The following EFCAB6 variants were observed in gnomAD, a reference collection of about 807,000 sequenced individuals.
EFCAB6 encodes the protein EF-hand calcium binding domain 6, also known as EF-hand calcium-binding domain-containing protein 6.
Under a neutral mutation model 169.8 loss-of-function variants are expected in EFCAB6, and 156 were observed. That is an observed-to-expected ratio of 0.92 (90% CI 0.81 to 1.05). EFCAB6 has a LOEUF of 1.05. Ranked by LOEUF, EFCAB6 falls within the 50% of genes least tolerant of loss-of-function variation. The pLI is 0.00. For synonymous variants in EFCAB6, 698 were observed against 676.4 expected (o/e 1.03, Z -0.50); for missense variants, 1,800 against 1,829.1 (o/e 0.98, Z 0.29).
intron 27 of EFCAB6, among the ~76,000 whole-genome samples, chr22:43,550,544 C>T (rs1444307142): frequency 6.6e-6 from 1 of 151,854 alleles, no homozygotes; most frequent in East Asian, 1.9e-4. Flanking sequence ...TGGTAGCGGG[C>T]ACCTGTAGTC....
chr22:43,675,348 ATT>A (rs2057690301), intron 13 of EFCAB6, among the ~76,000 whole-genome samples: 1 of 112,436 alleles, frequency 8.9e-6, no homozygotes, highest in Non-Finnish European at 2.0e-5. Context: ...AATATACTAT[ATT>A]ATACTATAAT....
chr22:43,668,411 A>G (rs1272686024), intron 16 of EFCAB6, among the ~76,000 whole-genome samples: 2 of 152,222 alleles, frequency 1.3e-5, no homozygotes, highest in Non-Finnish European at 2.9e-5. Flanking sequence ...TTACAATTCA[A>G]TTTGGAAATC....
At chr22:43,591,220 G>T (rs1203853380) in intron 23 of EFCAB6, among the ~76,000 whole-genome samples, 1 of 150,610 alleles carries the variant, frequency 6.6e-6, no homozygotes, top group Non-Finnish European at 1.5e-5. Context: ...CACTTCGGGA[G>T]GCTGCGGTGG....
intron 23 of EFCAB6, among the ~76,000 whole-genome samples, chr22:43,591,471 A>G (rs143289844): frequency 0.024 from 3,417 of 142,826 alleles, 122 homozygotes; most frequent in African/African-American, 0.085. Flanking sequence ...AAAAAAAAAA[A>G]AAAAGAAAAG....
chr22:43,786,199 C>T (rs1380427127), intron 2 of EFCAB6, among the ~76,000 whole-genome samples: 1 of 151,860 alleles, frequency 6.6e-6, no homozygotes, highest in Non-Finnish European at 1.5e-5. Flanking sequence ...CCCGTTTCTA[C>T]TAAAAATACA....
chr22:43,716,022 T>G (rs1260044571), intron 9 of EFCAB6, among the ~76,000 whole-genome samples: 1 of 152,254 alleles, frequency 6.6e-6, no homozygotes, highest in African/African-American at 2.4e-5. Flanking sequence ...AAAGTTTTGC[T>G]GTATAAAGGA....
rs78234199 is a variant in EFCAB6 at position 43,634,932 on chromosome 22, T to C, written c.2098+170A>G. Among the ~76,000 whole-genome samples the C allele has an allele frequency of 7.1e-3, 1,085 of 152,232 alleles. 14 individuals are homozygous for C. Among genetic ancestry groups the C allele is most frequent in the African/African-American group, 0.025 (1,031 of 41,524 alleles). On this transcript the variant is annotated intron_variant, in intron 18 of 31. Transcript: ENST00000262726. ...AGTTCTGCACTCACAGTTCTGAATA[T>C]GGTCAGATAAAATGAAATAAAAATG...
intron 9 of EFCAB6, among the ~76,000 whole-genome samples, chr22:43,715,616 C>T (rs1222805469): frequency 6.6e-6 from 1 of 152,072 alleles, no homozygotes; most frequent in Non-Finnish European, 1.5e-5. Context: ...CTGATCCAGC[C>T]GTCCTTCTAT....
At position 43,600,053 on chromosome 22, in the gene EFCAB6, A is replaced by T. The variant is rs1407462340; in HGVS notation, c.2876+16T>A. ...GGGACTTCTAGATGATGGCCCCGTG[A>T]TCCTTCCTCACTCACCTGGCTGCCA... On this transcript the variant is annotated intron_variant, in intron 23 of 31. Coordinates refer to ENST00000262726, the MANE Select transcript of EFCAB6 (RefSeq NM_022785.4). 2 of 1,610,146 alleles carry T rather than the reference A, an allele frequency of 1.2e-6. No individual in the cohort carries two copies. The highest frequency in any genetic ancestry group is 1.3e-5 in the African/African-American group (1 of 74,842).
chr22:43,657,314 A>C (rs2056798469), intron 17 of EFCAB6, among the ~76,000 whole-genome samples: 1 of 152,114 alleles, frequency 6.6e-6, no homozygotes, highest in Non-Finnish European at 1.5e-5. Context: ...CAAAATGACT[A>C]TACGTGTTAG....
intron 5 of EFCAB6, among the ~76,000 whole-genome samples, chr22:43,760,220 G>GA (rs2061112375): frequency 1.3e-5 from 1 of 74,476 alleles, no homozygotes; most frequent in Admixed American, 2.0e-4. Context: ...AAAAAAAAAA[G>GA]AAAAAAGAAA....
At chr22:43,801,523 C>A (rs2062713623) in intron 2 of EFCAB6, among the ~76,000 whole-genome samples, 1 of 152,140 alleles carries the variant, frequency 6.6e-6, no homozygotes, top group South Asian at 2.1e-4. Flanking sequence ...ATAGCTACTA[C>A]AACCTGTTGA....
At chr22:43,732,655 C>T (rs1489374298) in intron 7 of EFCAB6, among the ~76,000 whole-genome samples, 2 of 151,622 alleles carry the variant, frequency 1.3e-5, no homozygotes, top group Non-Finnish European at 2.9e-5. Context: ...TTAGTAGACA[C>T]GGGGTTTTTC....
intron 5 of EFCAB6, chr22:43,759,803 T>C (rs1210251354): frequency 6.6e-6 from 1 of 152,236 alleles, no homozygotes; most frequent in East Asian, 1.9e-4. Flanking sequence ...TATGGTGATT[T>C]TGATACATGA....
chr22:43,735,305 C>T (rs2060091308), intron 7 of EFCAB6, among the ~76,000 whole-genome samples: 1 of 37,258 alleles, frequency 2.7e-5, no homozygotes, highest in Non-Finnish European at 6.7e-5. Flanking sequence ...TCGTCACCCT[C>T]CTGCCGCACA....
chr22:43,800,196 C>T (rs566380535), intron 2 of EFCAB6, among the ~76,000 whole-genome samples: 12 of 152,310 alleles, frequency 7.9e-5, no homozygotes, highest in African/African-American at 2.2e-4. Flanking sequence ...AACCTTCCCA[C>T]GCTGCTGGGA....
In EFCAB6 at chr22:43,729,680, C is replaced by T. The variant is rs150399438; in HGVS notation, c.757+2019G>A. 4.2e-3 allele frequency among the ~76,000 whole-genome samples: 637 copies of T among 151,978 alleles called. 3 individuals carry two copies. Among genetic ancestry groups the T allele is most frequent in the Middle Eastern group, 0.014 (4 of 294 alleles). ...ACTTTACAGAATCTCTCTATAAGAA[C>T]GTGAACTCAGTAAAAGGAGAGTTGA... On this transcript the variant is annotated intron_variant, in intron 8 of 31. Transcript: ENST00000262726.
At chr22:43,650,201 T>C (rs571297466) in intron 17 of EFCAB6, among the ~76,000 whole-genome samples, 5 of 152,252 alleles carry the variant, frequency 3.3e-5, no homozygotes, top group South Asian at 2.1e-4. Context: ...TTTGGCTGTG[T>C]CCCCACCCAA....
intron 22 of EFCAB6, among the ~76,000 whole-genome samples, chr22:43,604,358 C>T (rs914923819): frequency 6.6e-6 from 1 of 152,174 alleles, no homozygotes; most frequent in African/African-American, 2.4e-5. Flanking sequence ...CCACCCATTA[C>T]TCTCCCCAGT....
Sources: gnomAD v4.1 joint callset for allele counts (sites outside exome capture counted in the v4.1 genomes callset) on GRCh38, gnomAD v4.1.1 for gene constraint, MANE v1.5 for transcripts, NCBI Gene and HGNC (gene_info 2026-07-23, HGNC 2026-07-21) for gene names.